FHIP1B: variants seen among roughly 807,000 people sequenced by gnomAD.
FHIP1B encodes FHF complex subunit HOOK-interacting protein 1B.
Under a neutral mutation model 82.2 loss-of-function variants are expected in FHIP1B, and 28 were observed. The ratio of observed to expected loss-of-function variants is 0.34; its 90% CI spans 0.25 to 0.47. FHIP1B has a LOEUF of 0.47. Ranked by LOEUF, FHIP1B falls within the 20% of genes least tolerant of loss-of-function variation. The pLI, the probability that FHIP1B is intolerant of heterozygous loss-of-function variation, is 1.00. For synonymous variants in FHIP1B, 585 were observed against 516.1 expected (o/e 1.13, Z -1.81); for missense variants, 1,110 against 1,262.6 (o/e 0.88, Z 1.83).
At chr11:6,216,227 T>C (rs989327225) in intron 9 of FHIP1B, among the ~76,000 whole-genome samples, 2 of 152,248 alleles carry the variant, frequency 1.3e-5, no homozygotes, top group Non-Finnish European at 2.9e-5. Flanking sequence ...CACAACTCCA[T>C]GGCAGAAGCC....
Position 6,217,491 on chromosome 11 carries a change from G to C in FHIP1B, c.2095C>G (p.Pro699Ala). 2 of 1,613,558 alleles carry C rather than the reference G, an allele frequency of 1.2e-6. No individual in the cohort carries two copies. The highest frequency in any genetic ancestry group is 8.5e-7 in the Non-Finnish European group (1 of 1,179,714). Residue 699 changes from proline (P) to alanine (A), a missense_variant, in exon 9 of 12, where the codon CCA becomes GCA. By Grantham distance (27) the Pro-to-Ala change is conservative (BLOSUM62 -1). Transcript: ENST00000449352. ...GTGSESPLEP[P>A]LPLEEEEAYE... Reference sequence around the variant, plus strand: ...GCCTCCTCCTCCTCAAGGGGCAGTGGAGGTTCTAAGGGGGACTCTGAGCCA... The same window carrying C: ...GCCTCCTCCTCCTCAAGGGGCAGTGCAGGTTCTAAGGGGGACTCTGAGCCA...
rs371854371 is a variant in FHIP1B, at chr11:6,223,574, C to T, written c.777+36G>A. On this transcript the variant is annotated intron_variant, in intron 3 of 11. Coordinates refer to ENST00000449352, the MANE Select transcript of FHIP1B (RefSeq NM_001098794.2). The surrounding 1 kb of genome is among the most constrained non-coding windows in gnomAD (Gnocchi z 4.8). ...AGGAAGGTGCTGTTCAGTATCTACA[C>T]ACCACACCCTACCCTCCAAGCCAGG... 2 of 1,549,348 alleles carry T rather than the reference C, an allele frequency of 1.3e-6. No individual in the cohort carries two copies. The highest frequency in any genetic ancestry group is 1.7e-6 in the Non-Finnish European group (2 of 1,148,536).
rs199875768 is a variant in FHIP1B, at chr11:6,223,783, G to T, written c.604C>A (p.Pro202Thr). The stretch of plus-strand genomic sequence containing the variant: ...AGACGGGGAGCGGCTCCAGGCTCAG[G>T]AGGTGGCTGCAGGAAGAACTCGAGC... ...SLLEFFLQPPPEPGAAPRLLL... is the reference protein window; with the variant it reads ...SLLEFFLQPPTEPGAAPRLLL... Residue 202 changes from proline (P) to threonine (T), a missense_variant, in exon 3 of 12, where the codon CCT becomes ACT. Pro to Thr is a conservative substitution (Grantham distance 38). Transcript: ENST00000449352. This position sits in a 1 kb window ranked among gnomAD's most constrained non-coding sequence, Gnocchi z 4.8. The T allele has an allele frequency of 4.3e-6, 7 of 1,614,230 alleles. No individual in the cohort carries two copies. Among genetic ancestry groups the T allele is most frequent in the Non-Finnish European group, 5.9e-6 (7 of 1,180,036 alleles).
In FHIP1B at chr11:6,218,644, T is replaced by C; in HGVS notation, c.1391A>G (p.His464Arg). 6.2e-7 allele frequency: 1 copy of C among 1,614,024 alleles called. No homozygotes were observed. The highest frequency in any genetic ancestry group is 8.5e-7 in the Non-Finnish European group (1 of 1,180,002). ...LSLIPRCCRH[H>R]APSPPRPEHA... ...CTCTGGACGAGGTGGGCTGGGGGCG[T>C]GGTGCCGACAACAGCGTGGGATTAG... Residue 464 changes from histidine (H) to arginine (R), a missense_variant, in exon 8 of 12, where the codon CAC becomes CGC. By Grantham distance (29) the His-to-Arg change is conservative. Transcript: ENST00000449352.
chr11:6,227,675 T>C (rs150762828), intron 1 of FHIP1B, among the ~76,000 whole-genome samples: 5 of 152,256 alleles, frequency 3.3e-5, no homozygotes, highest in South Asian at 2.1e-4. Flanking sequence ...TAGCAGCTTA[T>C]AGACAACTAT....
intron 8 of FHIP1B, 32 bp downstream of exon 8, chr11:6,218,568 C>G: frequency 6.2e-7 from 1 of 1,613,654 alleles, no homozygotes; most frequent in Non-Finnish European, 8.5e-7. Flanking sequence ...CCGTGATGTC[C>G]TCCCTTCTCC....
chr11:6,214,932 G>T (rs748131871), intron 9 of FHIP1B, 21 bp from the exon 10 acceptor site: 37 of 1,529,808 alleles, frequency 2.4e-5, no homozygotes, highest in Non-Finnish European at 3.2e-5. Context: ...GGGGAGGTGG[G>T]CACAAGGATA....
intron 1 of FHIP1B, among the ~76,000 whole-genome samples, chr11:6,231,474 T>TC (rs1252638711): frequency 1.3e-5 from 2 of 149,736 alleles, no homozygotes; most frequent in African/African-American, 2.5e-5. Flanking sequence ...ATTTTCTTTT[T>TC]TTTTTTTTTT....
At chr11:6,218,278 C>T in intron 8 of FHIP1B, 128 bp from the exon 9 acceptor site, 1 of 1,305,912 alleles carries the variant, frequency 7.7e-7, no homozygotes, top group Non-Finnish European at 1.0e-6. Flanking sequence ...AGACAGCTAA[C>T]TCTCCAACCT....
intron 1 of FHIP1B, among the ~76,000 whole-genome samples, chr11:6,231,526 A>G (rs920606713): frequency 2.3e-4 from 32 of 137,956 alleles, no homozygotes; most frequent in African/African-American, 8.6e-4. Flanking sequence ...GCTGAAGTGC[A>G]GTGGTGTGAC....
In FHIP1B at chr11:6,224,111, G is replaced by A. The variant is rs1847495810; in HGVS notation, c.276C>T (p.Gly92=). 1 of 1,613,956 alleles carries A rather than the reference G, an allele frequency of 6.2e-7. No individual in the cohort carries two copies. Among genetic ancestry groups the A allele is most frequent in the African/African-American group, 1.3e-5 (1 of 74,942 alleles). ...GAGCAAACTCCAGCAGGGGCCCAGG[G>A]CCTGTGGGGGCCGAGGGAACTGCAC... ...EDRAVPSAPT[G]PGPLLEFALH... The change falls in exon 3 of 12, where the codon GGC becomes GGT. Residue 92 remains glycine, a synonymous_variant. Coordinates refer to ENST00000449352, the MANE Select transcript of FHIP1B (RefSeq NM_001098794.2).
Position 6,224,231 on chromosome 11 carries a change from C to G in FHIP1B, c.156G>C (p.Glu52Asp). The G allele has an allele frequency of 6.2e-7, 1 of 1,610,190 alleles. No individual in the cohort carries two copies. The highest frequency in any genetic ancestry group is 8.5e-7 in the Non-Finnish European group (1 of 1,177,658). The change falls in exon 3 of 12, where the codon GAG becomes GAC. Residue 52 changes from glutamate to aspartate, a missense_variant. By Grantham distance (45) the Glu-to-Asp change is conservative. Around this residue, in one of 6 missense-constraint regions of FHIP1B, gnomAD observed 467 missense variants for 602.9 expected, o/e 0.77. Transcript: ENST00000449352. ...NHWSQVVRIL[E>D]RQGPRAAPGG... ...CAGGAGCTGCCCGAGGGCCTTGCCG[C>G]TCCAGGATTCGCACCACCTAGGGAA...
Position 6,224,708 on chromosome 11 carries a change from C to T in FHIP1B, c.-191-1G>A. ...CACTGGCCAGTCCAGATTTCTAAAT[C>T]TAATTCAGAGAAGAGATAATGGAAG... On this transcript the variant is annotated splice_acceptor_variant, in intron 1 of 11. Transcript: ENST00000449352. LOFTEE classifies it low-confidence loss of function (5UTR_SPLICE). 3 of 584,974 alleles carry T rather than the reference C, an allele frequency of 5.1e-6. No individual in the cohort carries two copies. Among genetic ancestry groups the T allele is most frequent in the Non-Finnish European group, 8.9e-6 (3 of 335,362 alleles). The allele number at this position is 584,974 out of a possible 1,614,324, so 36.2% of individuals were successfully genotyped here.
Position 6,214,571 on chromosome 11 carries a change from C to A in FHIP1B, c.2397G>T (p.Val799=). 6.2e-7 allele frequency: 1 copy of A among 1,611,136 alleles called. No homozygotes were observed. Among genetic ancestry groups the A allele is most frequent in the Non-Finnish European group, 8.5e-7 (1 of 1,178,198 alleles). The change falls in exon 11 of 12, where the codon GTG becomes GTT. Residue 799 remains valine (V), a splice_region_variant and synonymous_variant. Transcript: ENST00000449352. Reference sequence around the variant, plus strand: ...CAATCTTATTCTTCACAGAGCCCAGCACCTATGAAGCACACCTTCGTGACA... The same window carrying A: ...CAATCTTATTCTTCACAGAGCCCAGAACCTATGAAGCACACCTTCGTGACA... ...FQPSVKSLLQ[V]LGSVKNKIEN...
In FHIP1B at chr11:6,223,671, G is replaced by C. The variant is rs1343677403; in HGVS notation, c.716C>G (p.Ala239Gly). The change falls in exon 3 of 12, where the codon GCT (alanine) becomes GGT (glycine). Residue 239 changes from alanine to glycine, a missense_variant. Physicochemically the swap from Ala to Gly is moderately conservative, Grantham distance 60 (BLOSUM62 0). This residue lies in a region of FHIP1B where 467 missense variants were observed against 602.9 expected (regional missense o/e 0.77). Transcript: ENST00000449352. The surrounding 1 kb of genome is among the most constrained non-coding windows in gnomAD (Gnocchi z 4.8). ...QARDALLLLM[A>G]LSAGSPTVGR... The stretch of plus-strand genomic sequence containing the variant: ...CACAGTGGGGCTCCCAGCTGACAAA[G>C]CCATGAGAAGAAGTAGGGCATCACG... 1.2e-6 allele frequency: 2 copies of C among 1,612,878 alleles called. No homozygotes were observed. The highest frequency in any genetic ancestry group is 2.7e-5 in the African/African-American group (2 of 74,864).
Position 6,224,444 on chromosome 11 carries a change from G to A in FHIP1B, c.73C>T (p.Leu25Phe). The A allele has an allele frequency of 1.9e-6, 3 of 1,614,110 alleles. No homozygotes were observed. Among genetic ancestry groups the A allele is most frequent in the Non-Finnish European group, 1.7e-6 (2 of 1,180,006 alleles). The change falls in exon 2 of 12, where the codon CTC (leucine) becomes TTC (phenylalanine). Residue 25 changes from leucine (L) to phenylalanine (F), a missense_variant. Around this residue, in one of 6 missense-constraint regions of FHIP1B, gnomAD observed 467 missense variants for 602.9 expected, o/e 0.77. Coordinates refer to ENST00000449352, the MANE Select transcript of FHIP1B (RefSeq NM_001098794.2). ...PGHRIPQGAN[L>F]QTPVMADPET... ...GGATCAGCCATGACTGGGGTTTGGA[G>A]ATTGGCCCCTTGAGGTATACGGTGC... is the stretch of plus-strand genomic sequence containing the variant.
At chr11:6,213,878 C>G (rs1847144457) in intron 11 of FHIP1B, among the ~76,000 whole-genome samples, 1 of 151,990 alleles carries the variant, frequency 6.6e-6, no homozygotes, top group South Asian at 2.1e-4. Context: ...CTCTCCACTT[C>G]CAGATTTAGA....
chr11:6,217,302 A>G, intron 9 of FHIP1B, 69 bp downstream of exon 9: 1 of 1,460,652 alleles, frequency 6.8e-7, no homozygotes, highest in South Asian at 1.1e-5. Context: ...AGGTCCAAGA[A>G]ACCAGCACAA....
In FHIP1B at chr11:6,217,125, A is replaced by G. The variant is rs78401127; in HGVS notation, c.2215+246T>C. 1,075 of 703,466 alleles carry G rather than the reference A, an allele frequency of 1.5e-3. 18 individuals carry two copies. In the East Asian group the frequency reaches 0.023, roughly 15 times the overall value. 43.6% of individuals were successfully genotyped at this position (703,466 alleles called of 1,614,324 possible). ...AGGGAAAGAGGAGGAACATGCACAT[A>G]GGACATACATACAAGGCTCAGATGT... On this transcript the variant is annotated intron_variant, in intron 9 of 11. Coordinates refer to ENST00000449352, the MANE Select transcript of FHIP1B (RefSeq NM_001098794.2).
Sources: gnomAD v4.1 joint callset for allele counts (sites outside exome capture counted in the v4.1 genomes callset) on GRCh38, gnomAD v4.1.1 for gene constraint, gnomAD v4.1.1 regional missense constraint, Gnocchi (gnomAD v3.1) non-coding constraint, MANE v1.5 for transcripts, NCBI Gene and HGNC (gene_info 2026-07-23, HGNC 2026-07-21) for gene names.